FSTL4: variants seen among roughly 807,000 people sequenced by gnomAD.
FSTL4 encodes follistatin like 4.
A neutral mutation model predicts 78.2 loss-of-function variants in FSTL4; 28 were observed. That is an observed-to-expected ratio of 0.36 (90% CI 0.27 to 0.49). The LOEUF is 0.49. FSTL4 is among the 20% of genes least tolerant of loss of function. FSTL4 has a pLI of 0.98. For synonymous variants in FSTL4, 422 were observed against 440.5 expected, an observed-to-expected ratio of 0.96 and a Z score of 0.53; for missense variants, 922 against 1,084.9, an observed-to-expected ratio of 0.85 and a Z score of 2.11.
intron 4 of FSTL4, among the ~76,000 whole-genome samples, chr5:133,317,244 C>T (rs907481092): frequency 4.6e-5 from 7 of 152,242 alleles, no homozygotes; most frequent in African/African-American, 1.4e-4. Context: ...GCACACAGCT[C>T]GTTTTATCCC....
At chr5:133,756,495 C>T in the FSTL4 span, among the ~76,000 whole-genome samples, 1 of 151,966 alleles carries the variant, frequency 6.6e-6, no homozygotes, top group Non-Finnish European at 1.5e-5. Context: ...AAGTGCATAG[C>T]CTTTTGGTCA....
At chr5:133,467,687 C>A (rs1757744852) in intron 3 of FSTL4, among the ~76,000 whole-genome samples, 1 of 152,010 alleles carries the variant, frequency 6.6e-6, no homozygotes, top group Non-Finnish European at 1.5e-5. Flanking sequence ...GGCAGGAGTT[C>A]CCTCAGAGAA....
At chr5:133,726,650 A>G in the FSTL4 span, among the ~76,000 whole-genome samples, 26 of 152,198 alleles carry the variant, frequency 1.7e-4, no homozygotes, top group Admixed American at 1.7e-3. Context: ...TGAAAATAAC[A>G]AAGGGATAGA....
rs148997198 is a variant in FSTL4 at position 133,246,097 on chromosome 5, G to A, written c.894+3313C>T. 2.6e-5 allele frequency among the ~76,000 whole-genome samples: 4 copies of A among 152,270 alleles called. No homozygotes were observed. The East Asian group carries it at 5.8e-4, about 22-fold the overall frequency. ...AAAGAAAGGAGGCCCACGCTCCTTC[G>A]TGCTCTGTGATCTCCCCGCCTTGGG... On this transcript the variant is annotated intron_variant, in intron 7 of 15. Transcript: ENST00000265342.
At chr5:133,563,693 A>C (rs1339544779) in intron 3 of FSTL4, among the ~76,000 whole-genome samples, 8 of 152,222 alleles carry the variant, frequency 5.3e-5, no homozygotes, top group Non-Finnish European at 2.9e-5. Context: ...GGGTTTGCAA[A>C]AGGCACTGCA....
chr5:133,430,767 C>A (rs192655413), intron 3 of FSTL4, among the ~76,000 whole-genome samples: 194 of 152,248 alleles, frequency 1.3e-3, no homozygotes, highest in African/African-American at 4.5e-3. Flanking sequence ...TTGAAGAATG[C>A]ACCCATAACT....
At position 133,225,114 on chromosome 5, in the gene FSTL4, C is replaced by T. The variant is rs775665082; in HGVS notation, c.1312+36G>A. 6.2e-7 allele frequency: 1 copy of T among 1,613,766 alleles called. No homozygotes were observed. Among genetic ancestry groups the T allele is most frequent in the Admixed American group, 1.7e-5 (1 of 60,024 alleles). On this transcript the variant is annotated intron_variant, in intron 10 of 15. Transcript: ENST00000265342. This position sits in a 1 kb window ranked among gnomAD's most constrained non-coding sequence, Gnocchi z 4.6. ...CCCTTGCCACCCAACACCTCCCAGC[C>T]AGCTCAGTGAGAAGCATAAACGCGT...
intron 3 of FSTL4, among the ~76,000 whole-genome samples, chr5:133,479,470 G>A (rs30482): frequency 2.6e-5 from 4 of 152,322 alleles, no homozygotes; most frequent in East Asian, 3.9e-4. Flanking sequence ...TTCATCAGCC[G>A]ATGAACGGAT....
chr5:133,513,437 C>T (rs72787343), intron 3 of FSTL4, among the ~76,000 whole-genome samples: 116 of 152,202 alleles, frequency 7.6e-4, no homozygotes, highest in Non-Finnish European at 1.3e-3. Context: ...GAGCAGAGAC[C>T]CCAGCAGCAG....
At chr5:133,739,731 C>T in the FSTL4 span, among the ~76,000 whole-genome samples, 1 of 152,194 alleles carries the variant, frequency 6.6e-6, no homozygotes, top group African/African-American at 2.4e-5. Flanking sequence ...TCCTTTAATA[C>T]ACGATCTCCT....
Position 133,199,808 on chromosome 5 carries a change from A to G in FSTL4, c.1827-11T>C. Reference sequence around the variant, plus strand: ...AAGATGAAGCCAAACCTGGGAGGGGAAGAACTGAGGTCAGAAGTTGCCTCC... The same window carrying G: ...AAGATGAAGCCAAACCTGGGAGGGGGAGAACTGAGGTCAGAAGTTGCCTCC... On this transcript the variant is annotated splice_polypyrimidine_tract_variant and intron_variant, in intron 15 of 15. Transcript: ENST00000265342. This position sits in a 1 kb window ranked among gnomAD's most constrained non-coding sequence, Gnocchi z 4.4. 2.7e-6 allele frequency: 4 copies of G among 1,494,672 alleles called. No homozygotes were observed. The highest frequency in any genetic ancestry group is 3.6e-6 in the Non-Finnish European group (4 of 1,099,330). 92.6% of individuals were successfully genotyped at this position (1,494,672 alleles called of 1,614,324 possible). A position where few individuals can be genotyped will look rare whatever the true frequency, so the allele number is the denominator to read the frequency against.
intron 4 of FSTL4, among the ~76,000 whole-genome samples, chr5:133,391,486 T>C (rs1326932296): frequency 2.6e-5 from 4 of 152,098 alleles, no homozygotes; most frequent in Non-Finnish European, 5.9e-5. Flanking sequence ...CTCCCTCCCC[T>C]CATCAAGGCC....
chr5:133,247,043 A>T (rs1009811802), intron 7 of FSTL4: 1 of 152,208 alleles, frequency 6.6e-6, no homozygotes, highest in Non-Finnish European at 1.5e-5. Flanking sequence ...CTTCCCTAGG[A>T]AGCTGTGCCG....
At chr5:133,730,872 G>A in the FSTL4 span, among the ~76,000 whole-genome samples, 2 of 152,232 alleles carry the variant, frequency 1.3e-5, no homozygotes, top group African/African-American at 4.8e-5. Context: ...AAAAAAGAGT[G>A]AGAAATACAA....
the FSTL4 span, among the ~76,000 whole-genome samples, chr5:133,785,729 AG>A: frequency 6.6e-6 from 1 of 152,192 alleles, no homozygotes; most frequent in East Asian, 1.9e-4. Context: ...GGTGTGGCTC[AG>A]GGTGAGGTTG....
chr5:133,766,928 A>G, the FSTL4 span, among the ~76,000 whole-genome samples: 7 of 152,300 alleles, frequency 4.6e-5, no homozygotes, highest in Admixed American at 2.6e-4. Flanking sequence ...GGACTCTAGA[A>G]GGCATCCTAG....
intron 4 of FSTL4, among the ~76,000 whole-genome samples, chr5:133,382,553 A>C (rs895128400): frequency 8.6e-5 from 13 of 152,012 alleles, no homozygotes; most frequent in African/African-American, 3.1e-4. Flanking sequence ...TTGTTTGGAA[A>C]ATTGGAGAGA....
At chr5:133,257,855 C>T (rs371447443) in intron 6 of FSTL4, among the ~76,000 whole-genome samples, 196 of 152,322 alleles carry the variant, frequency 1.3e-3, no homozygotes, top group African/African-American at 4.6e-3. Context: ...ATGGGCATAC[C>T]TCTGCTCAAG....
intron 4 of FSTL4, among the ~76,000 whole-genome samples, chr5:133,323,661 A>C (rs994615686): frequency 9.8e-5 from 15 of 152,312 alleles, no homozygotes; most frequent in African/African-American, 3.6e-4. Context: ...GGTGCCCTCC[A>C]TGCCACAGGG....
Sources: gnomAD v4.1 joint callset for allele counts (sites outside exome capture counted in the v4.1 genomes callset) on GRCh38, gnomAD v4.1.1 for gene constraint, Gnocchi (gnomAD v3.1) non-coding constraint, MANE v1.5 for transcripts, NCBI Gene and HGNC (gene_info 2026-07-23, HGNC 2026-07-21) for gene names.